Variants in GLIS1 observed in about 807,000 individuals in gnomAD.
The protein encoded by GLIS1 is GLIS family zinc finger 1, also known as zinc finger protein GLIS1.
In GLIS1, 24 loss-of-function variants were observed where a neutral mutation model predicts 63.8. That is an observed-to-expected ratio of 0.38 (90% CI 0.27 to 0.53). The LOEUF (loss-of-function observed/expected upper bound fraction) is 0.53, where lower values mean the gene tolerates loss of function less well. GLIS1 is among the 20% of genes least tolerant of loss of function. The pLI is 0.85. For synonymous variants in GLIS1, 450 were observed against 482.5 expected (o/e 0.93, Z 0.88); for missense variants, 1,036 against 1,074.1 (o/e 0.96, Z 0.50).
At chr1:53,575,194 T>A (rs897036660) in intron 4 of GLIS1, among the ~76,000 whole-genome samples, 5 of 152,086 alleles carry the variant, frequency 3.3e-5, no homozygotes, top group African/African-American at 1.2e-4. Flanking sequence ...GCAATTAACA[T>A]CCCGGCTGCC....
At chr1:53,628,299 G>T (rs1645617075) in intron 2 of GLIS1, among the ~76,000 whole-genome samples, 1 of 152,122 alleles carries the variant, frequency 6.6e-6, no homozygotes, top group African/African-American at 2.4e-5. Flanking sequence ...TAGAGAGCTA[G>T]CCTCAATAGA....
chr1:53,651,143 A>G (rs1645902540), intron 2 of GLIS1, among the ~76,000 whole-genome samples: 1 of 152,264 alleles, frequency 6.6e-6, no homozygotes, highest in African/African-American at 2.4e-5. Flanking sequence ...AATAGTTTGC[A>G]CAAAATTATT....
chr1:53,581,333 G>A (rs1645082542), intron 4 of GLIS1, among the ~76,000 whole-genome samples: 1 of 152,124 alleles, frequency 6.6e-6, no homozygotes, highest in Admixed American at 6.5e-5. Flanking sequence ...GTGAGCTGCT[G>A]CAAAACCCCC....
rs115923479 is a variant in GLIS1 at position 53,698,866 on chromosome 1, G to A, written c.259+38940C>T. Among the ~76,000 whole-genome samples, 346 of 152,238 alleles carry A rather than the reference G, an allele frequency of 2.3e-3. 2 individuals carry two copies. Among genetic ancestry groups the A allele is most frequent in the African/African-American group, 7.2e-3 (300 of 41,536 alleles). On this transcript the variant is annotated intron_variant, in intron 2 of 10. Transcript: ENST00000628545. ...TCTGACCCTCATCACGAACCTGTGC[G>A]GGCAGCACCAAACCCCACTGAGGAA...
At chr1:53,580,941 T>A (rs1330215987) in intron 4 of GLIS1, among the ~76,000 whole-genome samples, 2 of 152,194 alleles carry the variant, frequency 1.3e-5, no homozygotes, top group African/African-American at 4.8e-5. Flanking sequence ...AAACAGCTGC[T>A]GCAGCAGCAG....
At chr1:53,657,634 G>A (rs1645981737) in intron 2 of GLIS1, among the ~76,000 whole-genome samples, 2 of 152,082 alleles carry the variant, frequency 1.3e-5, no homozygotes. Flanking sequence ...AGAGGACCGG[G>A]TCCAGCCCAG....
chr1:53,729,756 TC>T (rs1646841324), intron 2 of GLIS1, among the ~76,000 whole-genome samples: 1 of 152,248 alleles, frequency 6.6e-6, no homozygotes, highest in Non-Finnish European at 1.5e-5. Context: ...GCTTTAGGCA[TC>T]TGACATTCCA....
intron 2 of GLIS1, among the ~76,000 whole-genome samples, chr1:53,700,351 G>A (rs1646510369): frequency 6.6e-6 from 1 of 152,194 alleles, no homozygotes; most frequent in African/African-American, 2.4e-5. Flanking sequence ...AGAGGAAGGG[G>A]CAGGAATGGG....
rs1486152263 is a variant in GLIS1, at chr1:53,529,796, C to T, written c.1477G>A (p.Asp493Asn). 6.2e-7 allele frequency: 1 copy of T among 1,611,594 alleles called. No homozygotes were observed. The highest frequency in any genetic ancestry group is 2.2e-5 in the East Asian group (1 of 44,874). The change falls in exon 5 of 11, where the codon GAC (aspartate) becomes AAC (asparagine). Residue 493 changes from aspartate (D) to asparagine (N), a missense_variant. This residue lies in a region of GLIS1 where 44 missense variants were observed against 79.3 expected (regional missense o/e 0.55). Coordinates refer to ENST00000628545, the MANE Select transcript of GLIS1 (RefSeq NM_001367484.1). ...DRAKHQRTHL[D>N]TKPYACQIPG... ...CCTCTGCCTGTTGGGCCTACCGTGT[C>T]TAGGTGGGTGCGCTGGTGCTTGGCG... is the stretch of plus-strand genomic sequence containing the variant.
intron 2 of GLIS1, among the ~76,000 whole-genome samples, chr1:53,620,171 G>A (rs1645527559): frequency 6.6e-6 from 1 of 152,218 alleles, no homozygotes; most frequent in Non-Finnish European, 1.5e-5. Context: ...AGAGTTGTCT[G>A]GGGCAAAGCT....
chr1:53,557,114 A>C (rs1168605872), intron 4 of GLIS1, among the ~76,000 whole-genome samples: 1 of 151,984 alleles, frequency 6.6e-6, no homozygotes, highest in African/African-American at 2.4e-5. Flanking sequence ...TGTGCATGGG[A>C]CATAAGCAGC....
At chr1:53,534,057 A>G (rs1227997206) in intron 4 of GLIS1, among the ~76,000 whole-genome samples, 1 of 151,950 alleles carries the variant, frequency 6.6e-6, no homozygotes, top group African/African-American at 2.4e-5. Context: ...GCAGCCTCCA[A>G]TGAGTGCGAG....
chr1:53,600,404 T>C (rs1645304585), intron 2 of GLIS1, 126 bp from the exon 3 acceptor site: 1 of 452,382 alleles, frequency 2.2e-6, no homozygotes, highest in Admixed American at 4.4e-5. Flanking sequence ...ACTCACTGCA[T>C]CCCTGCTGCA....
chr1:53,520,830 C>T (rs538132035), intron 6 of GLIS1, 64 bp from the exon 7 acceptor site: 10 of 1,507,668 alleles, frequency 6.6e-6, no homozygotes, highest in Admixed American at 2.0e-5. Flanking sequence ...GCAACCCTCA[C>T]GTTAGGGGAC....
intron 2 of GLIS1, among the ~76,000 whole-genome samples, chr1:53,686,273 G>A (rs927795871): frequency 6.6e-6 from 1 of 152,180 alleles, no homozygotes; most frequent in African/African-American, 2.4e-5. Flanking sequence ...TGGAGGCCAC[G>A]CACTGCCAAG....
rs1197474308 is a variant in GLIS1 at position 53,738,011 on chromosome 1, A to G, written c.54T>C (p.Pro18=). The change falls in exon 2 of 11, where the codon CCT becomes CCC. Residue 18 remains proline, a synonymous_variant. Coordinates refer to ENST00000628545, the MANE Select transcript of GLIS1 (RefSeq NM_001367484.1). ...AHSDKRPKEA[P]GAPGPDRGPA... is the part of the protein sequence containing the mutation. ...GGCCGCGGTCGGGGCCGGGCGCACC[A>G]GGGGCCTCCTTAGGCCTCTTGTCCG... is the stretch of plus-strand genomic sequence containing the variant. 1 of 1,230,520 alleles carries G rather than the reference A, an allele frequency of 8.1e-7. No homozygotes were observed. The highest frequency in any genetic ancestry group is 3.2e-5 in the East Asian group (1 of 31,654). The allele number at this position is 1,230,520 out of a possible 1,614,324, so 76.2% of individuals were successfully genotyped here.
chr1:53,714,218 G>A (rs115907622), intron 2 of GLIS1, among the ~76,000 whole-genome samples: 103 of 152,292 alleles, frequency 6.8e-4, no homozygotes, highest in African/African-American at 2.5e-3. Flanking sequence ...TTCATCTTCT[G>A]AGTCTCAGCT....
intron 4 of GLIS1, 120 bp from the exon 5 acceptor site, chr1:53,530,072 C>T (rs1449127401): frequency 2.3e-6 from 2 of 861,048 alleles, no homozygotes; most frequent in Non-Finnish European, 3.5e-6. Flanking sequence ...CTGCTGGAGC[C>T]TCTGAGAGCT....
At chr1:53,595,017 T>A in intron 3 of GLIS1, 27 bp from the exon 4 acceptor site, 4 of 1,398,498 alleles carry the variant, frequency 2.9e-6, no homozygotes, top group Non-Finnish European at 3.7e-6. Flanking sequence ...AGAGAGGTCA[T>A]GAGAGGCTGG....
Sources: gnomAD v4.1 joint callset for allele counts (sites outside exome capture counted in the v4.1 genomes callset) on GRCh38, gnomAD v4.1.1 for gene constraint, gnomAD v4.1.1 regional missense constraint, MANE v1.5 for transcripts, NCBI Gene and HGNC (gene_info 2026-07-23, HGNC 2026-07-21) for gene names.